Variants in EPHA7 observed in about 807,000 individuals in gnomAD.
The protein encoded by EPHA7 is ephrin type-A receptor 7.
A neutral mutation model predicts 112.6 loss-of-function variants in EPHA7; 25 were observed. The ratio of observed to expected loss-of-function variants is 0.22; its 90% confidence interval spans 0.16 to 0.31. EPHA7 has a LOEUF of 0.31. EPHA7 is among the 10% of genes least tolerant of loss of function. The probability of loss-of-function intolerance (pLI) is 1.00; values close to 1 mark genes in which losing one functional copy is unlikely to be tolerated. For synonymous variants in EPHA7, 437 were observed against 406.5 expected (o/e 1.07, Z -0.90); for missense variants, 962 against 1,212.6 (o/e 0.79, Z 3.07).
chr6:93,303,253 A>G (rs1301279800), intron 5 of EPHA7, among the ~76,000 whole-genome samples: 2 of 152,142 alleles, frequency 1.3e-5, no homozygotes, highest in African/African-American at 2.4e-5. Context: ...TGCTGGCTCA[A>G]TATTCAAAAT....
At chr6:93,400,137 A>G (rs1273063763) in intron 3 of EPHA7, among the ~76,000 whole-genome samples, 4 of 152,084 alleles carry the variant, frequency 2.6e-5, no homozygotes, top group African/African-American at 4.8e-5. Flanking sequence ...ACATTATATA[A>G]TACAAGTCAC....
chr6:93,374,649 A>G (rs1225228640), intron 3 of EPHA7, among the ~76,000 whole-genome samples: 1 of 152,230 alleles, frequency 6.6e-6, no homozygotes, highest in Non-Finnish European at 1.5e-5. Context: ...ATTAAACAAC[A>G]GTGGAGACTA....
intron 3 of EPHA7, chr6:93,409,662 CTT>C (rs1778880039): frequency 6.6e-6 from 1 of 151,302 alleles, no homozygotes; most frequent in African/African-American, 2.4e-5. Context: ...AGTAACATAA[CTT>C]TATAATTTAT....
At chr6:93,384,444 A>T (rs1228848415) in intron 3 of EPHA7, among the ~76,000 whole-genome samples, 1 of 152,180 alleles carries the variant, frequency 6.6e-6, no homozygotes, top group Non-Finnish European at 1.5e-5. Context: ...CCATTGTTCC[A>T]TAACTACAAA....
At chr6:93,336,023 A>G (rs1774851097) in intron 5 of EPHA7, among the ~76,000 whole-genome samples, 3 of 152,124 alleles carry the variant, frequency 2.0e-5, no homozygotes, top group African/African-American at 4.8e-5. Flanking sequence ...AACATATTGG[A>G]TAATGTTTCA....
chr6:93,361,331 C>G (rs1392191642), intron 3 of EPHA7, among the ~76,000 whole-genome samples: 1 of 151,742 alleles, frequency 6.6e-6, no homozygotes, highest in Admixed American at 6.6e-5. Context: ...AGTACAAAAG[C>G]GCTGGAGCAA....
intron 3 of EPHA7, among the ~76,000 whole-genome samples, chr6:93,372,390 A>G (rs1246159450): frequency 6.6e-6 from 1 of 152,100 alleles, no homozygotes; most frequent in Non-Finnish European, 1.5e-5. Flanking sequence ...ATTTTTCAAC[A>G]TGATTATTTT....
At chr6:93,404,630 T>C (rs1190828728) in intron 3 of EPHA7, among the ~76,000 whole-genome samples, 1 of 148,548 alleles carries the variant, frequency 6.7e-6, no homozygotes, top group Non-Finnish European at 1.5e-5. Context: ...CATATATATA[T>C]ATATATACAC....
chr6:93,374,124 C>G (rs1459441449), intron 3 of EPHA7, among the ~76,000 whole-genome samples: 1 of 152,060 alleles, frequency 6.6e-6, no homozygotes, highest in African/African-American at 2.4e-5. Context: ...CAGGTCAAAT[C>G]TAGAGATAGT....
intron 5 of EPHA7, among the ~76,000 whole-genome samples, chr6:93,278,232 G>T (rs1771561901): frequency 6.6e-6 from 1 of 152,012 alleles, no homozygotes; most frequent in Non-Finnish European, 1.5e-5. Flanking sequence ...GTTGGTCATT[G>T]TTGCTAAACA....
At chr6:93,296,462 T>A (rs1388926048) in intron 5 of EPHA7, among the ~76,000 whole-genome samples, 2 of 136,712 alleles carry the variant, frequency 1.5e-5, no homozygotes, top group South Asian at 4.2e-4. Context: ...TAAATATATA[T>A]ATATGTATAT....
rs116920062 is a variant in EPHA7, at chr6:93,271,194, C to G, written c.1449+1104G>C. 9.1e-3 allele frequency among the ~76,000 whole-genome samples: 1,375 copies of G among 151,774 alleles called. 13 individuals are homozygous for G. The highest frequency in any genetic ancestry group is 0.013 in the Non-Finnish European group (904 of 67,808). On this transcript the variant is annotated intron_variant, in intron 6 of 16. Coordinates refer to ENST00000369303, the MANE Select transcript of EPHA7 (RefSeq NM_004440.4). ...TAAAATGCAACCTTAGCCATGAAGT[C>G]ATGAATTCATAATGTAAGTAACAAG... is the stretch of plus-strand genomic sequence containing the variant.
chr6:93,323,971 A>G (rs2127889089), intron 5 of EPHA7, among the ~76,000 whole-genome samples: 1 of 151,624 alleles, frequency 6.6e-6, no homozygotes, highest in East Asian at 1.9e-4. Flanking sequence ...ATGAATACAA[A>G]ACTACCTCCA....
At chr6:93,349,497 G>A (rs954525743) in intron 5 of EPHA7, among the ~76,000 whole-genome samples, 4 of 151,764 alleles carry the variant, frequency 2.6e-5, no homozygotes, top group Admixed American at 1.3e-4. Context: ...TGCTGCAGAC[G>A]GCATAGGTGT....
At position 93,257,498 on chromosome 6, in the gene EPHA7, C is replaced by A; in HGVS notation, c.2136G>T (p.Glu712Asp). The A allele has an allele frequency of 6.2e-7, 1 of 1,611,338 alleles. No individual in the cohort carries two copies. The change falls in exon 12 of 17, where the codon GAG (glutamate) becomes GAT (aspartate). Residue 712 changes from glutamate (E) to aspartate (D), a missense_variant. Glu to Asp is a conservative substitution (Grantham distance 45). Coordinates refer to ENST00000369303, the MANE Select transcript of EPHA7 (RefSeq NM_004440.4). ...TRGKPVMIVI[E>D]FMENGALDAF... Reference sequence around the variant, plus strand: ...CATCTAGGGCTCCATTTTCCATGAACTCTATTACTATCATGACTGGTTTCC... The same window carrying A: ...CATCTAGGGCTCCATTTTCCATGAAATCTATTACTATCATGACTGGTTTCC...
Position 93,358,284 on chromosome 6 carries a change from T to C in EPHA7, c.960A>G (p.Pro320=), listed in dbSNP as rs1776058952. The C allele has an allele frequency of 6.2e-7, 1 of 1,612,514 alleles. No individual in the cohort carries two copies. Among genetic ancestry groups the C allele is most frequent in the African/African-American group, 1.3e-5 (1 of 74,866 alleles). Residue 320 remains proline, a synonymous_variant, in exon 4 of 17, where the codon CCA becomes CCG. Coordinates refer to ENST00000369303, the MANE Select transcript of EPHA7 (RefSeq NM_004440.4). The stretch of plus-strand genomic sequence containing the variant: ...TGCACGCAACGTATGGTGGGTCAGA[T>C]GGAGCCCTGTAATACCCATCTTCAC... ...CECEDGYYRA[P]SDPPYVACTR...
Position 93,243,368 on chromosome 6 carries a change from G to T in EPHA7, c.*58C>A. The T allele has an allele frequency of 7.7e-7, 1 of 1,293,908 alleles. No individual in the cohort carries two copies. Among genetic ancestry groups the T allele is most frequent in the Non-Finnish European group, 1.1e-6 (1 of 897,098 alleles). 80.2% of individuals were successfully genotyped at this position (1,293,908 alleles called of 1,614,324 possible). A position where few individuals can be genotyped will look rare whatever the true frequency, so the allele number is the denominator to read the frequency against. On this transcript the variant is annotated 3_prime_UTR_variant, in exon 17 of 17. Coordinates refer to ENST00000369303, the MANE Select transcript of EPHA7 (RefSeq NM_004440.4). ...TCTAGCAGCATTCTATGCATATACT[G>T]AAGGCCAGTACTGTTCTCTTGCAGT...
At chr6:93,360,374 C>G (rs930201390) in intron 3 of EPHA7, among the ~76,000 whole-genome samples, 1 of 152,108 alleles carries the variant, frequency 6.6e-6, no homozygotes, top group African/African-American at 2.4e-5. Flanking sequence ...TTACTCACAA[C>G]TCGCTGTCTG....
intron 5 of EPHA7, among the ~76,000 whole-genome samples, chr6:93,301,556 TACAG>T (rs1162766275): frequency 1.3e-5 from 2 of 152,300 alleles, no homozygotes; most frequent in African/African-American, 2.4e-5. Flanking sequence ...GCGATTTTTT[TACAG>T]ACAAATAGAA....
Sources: gnomAD v4.1 joint callset for allele counts (sites outside exome capture counted in the v4.1 genomes callset) on GRCh38, gnomAD v4.1.1 for gene constraint, MANE v1.5 for transcripts, NCBI Gene and HGNC (gene_info 2026-07-23, HGNC 2026-07-21) for gene names.